Variants in MAF observed in about 807,000 individuals in gnomAD.
The protein encoded by MAF is MAF bZIP transcription factor.
MAF carries 10 observed loss-of-function variants against 22.0 expected under a neutral mutation model. The observed-to-expected ratio is 0.45, with a 90% CI of 0.28 to 0.77. The LOEUF (loss-of-function observed/expected upper bound fraction) is 0.77, where lower values mean the gene tolerates loss of function less well. MAF is among the 30% of genes least tolerant of loss of function. The pLI is 0.12. For synonymous variants in MAF, 337 were observed against 255.8 expected (o/e 1.32, Z -3.03); for missense variants, 544 against 548.4 (o/e 0.99, Z 0.08).
the MAF span, among the ~76,000 whole-genome samples, chr16:79,544,660 G>A: frequency 4.5e-4 from 68 of 151,376 alleles, no homozygotes; most frequent in Non-Finnish European, 1.5e-4. Context: ...TGTAGTCCCA[G>A]CTACTCGGGA....
In MAF at chr16:79,599,063, C is replaced by T. The variant is rs765168573; in HGVS notation, c.840G>A (p.Gly280=). ...GCCGGATCACCTCCTCCTTGCTGACCCCGCGCAGCTGCCGGTTCAGCTCGC... is the reference window on the plus strand; with the variant it reads ...GCCGGATCACCTCCTCCTTGCTGACTCCGCGCAGCTGCCGGTTCAGCTCGC... ...SVRELNRQLR[G]VSKEEVIRLK... The change falls in exon 1 of 2, where the codon GGG becomes GGA. Residue 280 remains glycine (G), a synonymous_variant. Transcript: ENST00000326043. 5 of 1,611,952 alleles carry T rather than the reference C, an allele frequency of 3.1e-6. No homozygotes were observed. The highest frequency in any genetic ancestry group is 2.2e-5 in the South Asian group (2 of 91,046).
chr16:79,579,082 C>A, the MAF span, among the ~76,000 whole-genome samples: 6 of 152,022 alleles, frequency 3.9e-5, no homozygotes, highest in East Asian at 1.2e-3. Flanking sequence ...AAATGAGCTT[C>A]CTTGTTAGGG....
At chr16:79,454,696 G>A in the MAF span, among the ~76,000 whole-genome samples, 5 of 152,138 alleles carry the variant, frequency 3.3e-5, no homozygotes, top group South Asian at 2.1e-4. Flanking sequence ...CTGCCTCTCC[G>A]TAAGCTGATC....
chr16:79,539,600 G>C, the MAF span, among the ~76,000 whole-genome samples: 1 of 152,146 alleles, frequency 6.6e-6, no homozygotes, highest in East Asian at 1.9e-4. Context: ...TATAATCAGA[G>C]ATTCAGACTA....
At chr16:79,420,808 T>C in the MAF span, among the ~76,000 whole-genome samples, 1 of 152,186 alleles carries the variant, frequency 6.6e-6, no homozygotes, top group Admixed American at 6.5e-5. Flanking sequence ...GGCGGGTGGA[T>C]CACCTGAGGT....
the MAF span, among the ~76,000 whole-genome samples, chr16:79,267,427 CGT>C: frequency 2.0e-5 from 3 of 152,020 alleles, no homozygotes; most frequent in African/African-American, 7.2e-5. Flanking sequence ...TGTGTGTGTA[CGT>C]GTGTGGTATG....
the MAF span, among the ~76,000 whole-genome samples, chr16:79,321,142 G>A: frequency 9.2e-5 from 14 of 152,332 alleles, 1 homozygote; most frequent in African/African-American, 3.1e-4. Flanking sequence ...TGTGTTGGCA[G>A]CATCTACATA....
At chr16:79,347,246 G>T in the MAF span, among the ~76,000 whole-genome samples, 1 of 152,336 alleles carries the variant, frequency 6.6e-6, no homozygotes, top group East Asian at 1.9e-4. Flanking sequence ...ACGTGTGGGC[G>T]TGCAGATGTG....
chr16:79,346,423 A>T, the MAF span, among the ~76,000 whole-genome samples: 1 of 152,140 alleles, frequency 6.6e-6, no homozygotes, highest in Non-Finnish European at 1.5e-5. Flanking sequence ...ATTGGCTACA[A>T]TGAATACTGC....
At chr16:79,467,719 G>A in the MAF span, among the ~76,000 whole-genome samples, 305 of 152,174 alleles carry the variant, frequency 2.0e-3, 1 homozygote, top group African/African-American at 4.4e-3. Context: ...TGCAGTCTGC[G>A]TCCTAACAAG....
At chr16:79,544,543 G>C in the MAF span, among the ~76,000 whole-genome samples, 1 of 152,136 alleles carries the variant, frequency 6.6e-6, no homozygotes, top group African/African-American at 2.4e-5. Context: ...GAGAGACCGA[G>C]TTGGGTGGAT....
At chr16:79,563,782 C>A in the MAF span, among the ~76,000 whole-genome samples, 1 of 151,760 alleles carries the variant, frequency 6.6e-6, no homozygotes, top group Non-Finnish European at 1.5e-5. Context: ...CACGTGTGAC[C>A]ACTGAGATGT....
the MAF span, among the ~76,000 whole-genome samples, chr16:79,321,645 CTTTTT>C: frequency 5.7e-5 from 5 of 86,968 alleles, no homozygotes; most frequent in South Asian, 8.8e-4. Context: ...TTTTCTTTTT[CTTTTT>C]TTTTTTTTTT....
the MAF span, among the ~76,000 whole-genome samples, chr16:79,307,783 T>G: frequency 4.6e-5 from 7 of 152,152 alleles, no homozygotes; most frequent in African/African-American, 1.7e-4. Context: ...ATGAAATAAT[T>G]AGGCCCTGGA....
chr16:79,260,500 T>TATCTATATCTATATCTA, the MAF span, among the ~76,000 whole-genome samples: 2 of 149,532 alleles, frequency 1.3e-5, no homozygotes, highest in African/African-American at 5.1e-5. Context: ...TCTATATCTA[T>TATCTATATCTATATCTA]ATCTATATAT....
chr16:79,485,835 G>A, the MAF span, among the ~76,000 whole-genome samples: 16 of 152,076 alleles, frequency 1.1e-4, no homozygotes, highest in Non-Finnish European at 1.8e-4. Context: ...GCCCAGGGGC[G>A]GCCAGCGGCT....
the MAF span, among the ~76,000 whole-genome samples, chr16:79,408,672 CCT>C: frequency 6.6e-6 from 1 of 151,694 alleles, no homozygotes; most frequent in African/African-American, 2.4e-5. Flanking sequence ...TTCCTTCCTC[CCT>C]GTTTTCCCCT....
intron 1 of MAF, chr16:79,598,290 A>C: frequency 9.6e-7 from 1 of 1,037,482 alleles, no homozygotes; most frequent in Non-Finnish European, 1.2e-6. Flanking sequence ...AACAAAATAA[A>C]ACACACACAC....
At chr16:79,282,355 C>CT in the MAF span, among the ~76,000 whole-genome samples, 6 of 152,132 alleles carry the variant, frequency 3.9e-5, no homozygotes, top group Non-Finnish European at 8.8e-5. Flanking sequence ...ATCAATTTCT[C>CT]TTTTAACTTT....
Sources: gnomAD v4.1 joint callset for allele counts (sites outside exome capture counted in the v4.1 genomes callset) on GRCh38, gnomAD v4.1.1 for gene constraint, MANE v1.5 for transcripts, NCBI Gene and HGNC (gene_info 2026-07-23, HGNC 2026-07-21) for gene names.